Variants in KIAA0319L observed in about 807,000 individuals in gnomAD.
The protein encoded by KIAA0319L is dyslexia-associated protein KIAA0319-like protein.
A neutral mutation model predicts 120.1 loss-of-function variants in KIAA0319L; 55 were observed. The ratio of observed to expected loss-of-function variants is 0.46; its 90% CI spans 0.37 to 0.57. The LOEUF is 0.57. KIAA0319L is among the 20% of genes least tolerant of loss of function. KIAA0319L has a pLI of 0.00. For synonymous variants in KIAA0319L, 398 were observed against 471.9 expected (o/e 0.84, Z 2.03); for missense variants, 1,049 against 1,255.3 (o/e 0.84, Z 2.48).
intron 8 of KIAA0319L, among the ~76,000 whole-genome samples, chr1:35,462,275 AG>A: frequency 1.3e-5 from 2 of 152,324 alleles, no homozygotes; most frequent in South Asian, 4.1e-4. Context: ...TATGATTGGA[AG>A]GAACTTTGGT....
At chr1:35,473,080 CTTTTT>C (rs962861379) in intron 5 of KIAA0319L, among the ~76,000 whole-genome samples, 8 of 90,480 alleles carry the variant, frequency 8.8e-5, no homozygotes, top group East Asian at 6.9e-4. Flanking sequence ...TGCGCCCAGC[CTTTTT>C]TTTTTTTTTT....
chr1:35,444,080 A>G, intron 17 of KIAA0319L, 81 bp downstream of exon 17: 2 of 1,174,674 alleles, frequency 1.7e-6, no homozygotes, highest in Non-Finnish European at 1.2e-6. Context: ...AAAGAAGATG[A>G]AGGCCAAGGA....
intron 2 of KIAA0319L, chr1:35,533,302 T>A (rs1646444620): frequency 1.3e-5 from 2 of 152,098 alleles, no homozygotes; most frequent in South Asian, 4.2e-4. Flanking sequence ...AAATGTAAAT[T>A]CTAACTAAAT....
At chr1:35,541,790 G>A (rs574706806) in intron 2 of KIAA0319L, among the ~76,000 whole-genome samples, 1 of 152,338 alleles carries the variant, frequency 6.6e-6, no homozygotes, top group East Asian at 1.9e-4. Flanking sequence ...TGGGGGAAGT[G>A]AACTAGGGCA....
chr1:35,541,092 C>T (rs547705834), intron 2 of KIAA0319L, among the ~76,000 whole-genome samples: 22 of 152,148 alleles, frequency 1.4e-4, no homozygotes, highest in East Asian at 5.8e-4. Flanking sequence ...CAGATGCACA[C>T]TATCAAGCAC....
chr1:35,496,871 C>T (rs190084761), intron 3 of KIAA0319L, among the ~76,000 whole-genome samples: 1 of 149,942 alleles, frequency 6.7e-6, no homozygotes, highest in Non-Finnish European at 1.5e-5. Flanking sequence ...CACTTGAACC[C>T]TGGAGGTCGA....
At chr1:35,521,723 A>T (rs936278599) in intron 2 of KIAA0319L, among the ~76,000 whole-genome samples, 3 of 151,976 alleles carry the variant, frequency 2.0e-5, no homozygotes, top group Admixed American at 1.3e-4. Context: ...CTGTAATCCC[A>T]GCACTTTGGG....
chr1:35,450,323 C>T (rs902373481), intron 14 of KIAA0319L, 35 bp downstream of exon 14: 1 of 1,597,690 alleles, frequency 6.3e-7, no homozygotes, highest in African/African-American at 1.3e-5. Context: ...CTCCTCCCCA[C>T]TCCTGTGTAG....
At chr1:35,557,511 G>T, upstream of KIAA0319L, 2 of 364,102 alleles carry the variant, frequency 5.5e-6, no homozygotes, top group African/African-American at 4.3e-5. Context: ...CGAGACCAAG[G>T]GGGAGGAGGG....
chr1:35,470,881 C>T lies in KIAA0319L; in HGVS notation c.1095G>A (p.Gln365=), dbSNP rs778109301. ...AATTCACCTTCGATAGTTTGAGGAT[C>T]TGGGAATGTTTCCCTTCCATTTCTC... ...YSGEMEGKHS[Q]ILKLSKLTPG... The change falls in exon 6 of 21, where the codon CAG becomes CAA. Residue 365 remains glutamine, a synonymous_variant. Coordinates refer to ENST00000325722, the MANE Select transcript of KIAA0319L (RefSeq NM_024874.5). 1.2e-6 allele frequency: 2 copies of T among 1,611,352 alleles called. No individual in the cohort carries two copies. Among genetic ancestry groups the T allele is most frequent in the South Asian group, 2.2e-5 (2 of 91,022 alleles).
At chr1:35,535,714 C>T (rs1646548780) in intron 2 of KIAA0319L, among the ~76,000 whole-genome samples, 1 of 152,156 alleles carries the variant, frequency 6.6e-6, no homozygotes, top group African/African-American at 2.4e-5. Context: ...AGCTCGGCCA[C>T]CACTTTTTCC....
intron 3 of KIAA0319L, among the ~76,000 whole-genome samples, chr1:35,489,206 A>G (rs1644499893): frequency 6.6e-6 from 1 of 152,122 alleles, no homozygotes; most frequent in African/African-American, 2.4e-5. Context: ...CCACAAGGTA[A>G]AAAAACAAAA....
intron 2 of KIAA0319L, among the ~76,000 whole-genome samples, chr1:35,522,740 G>A (rs1288990628): frequency 2.0e-5 from 3 of 151,786 alleles, no homozygotes; most frequent in Non-Finnish European, 4.4e-5. Context: ...TGTATGGGCC[G>A]GGCGCGGGGG....
At chr1:35,519,638 ATC>A (rs1287349075) in intron 2 of KIAA0319L, among the ~76,000 whole-genome samples, 2 of 152,192 alleles carry the variant, frequency 1.3e-5, no homozygotes, top group Admixed American at 1.3e-4. Context: ...GCCTCCAGAC[ATC>A]TCTTATCATT....
chr1:35,486,735 T>TTCAAAAA (rs1214766111), intron 3 of KIAA0319L, among the ~76,000 whole-genome samples: 1 of 70,092 alleles, frequency 1.4e-5, no homozygotes, highest in African/African-American at 2.7e-4. Context: ...ACCCCATTTC[T>TTCAAAAA]ACAAAAAAAA....
At chr1:35,502,053 C>T (rs1314811335) in intron 3 of KIAA0319L, among the ~76,000 whole-genome samples, 91 of 151,854 alleles carry the variant, frequency 6.0e-4, no homozygotes, top group Admixed American at 5.6e-3. Flanking sequence ...CAGAGGCAGG[C>T]GGATCACGAG....
chr1:35,455,877 C>A (rs1000813143), intron 10 of KIAA0319L, 136 bp downstream of exon 10: 17 of 716,840 alleles, frequency 2.4e-5, no homozygotes, highest in Non-Finnish European at 3.8e-5. Context: ...CCATACCCGG[C>A]CAAGATAAAG....
chr1:35,500,939 CATTTT>C (rs930325795), intron 3 of KIAA0319L, among the ~76,000 whole-genome samples: 3 of 151,740 alleles, frequency 2.0e-5, no homozygotes, highest in African/African-American at 4.8e-5. Context: ...CACTTTGCCC[CATTTT>C]TTTTTTTTTA....
At chr1:35,515,927 A>G (rs184574445) in intron 2 of KIAA0319L, among the ~76,000 whole-genome samples, 1 of 152,324 alleles carries the variant, frequency 6.6e-6, no homozygotes, top group East Asian at 1.9e-4. Flanking sequence ...GATCACCTCT[A>G]TGCATACAAA....
Sources: allele counts gnomAD v4.1 joint callset (sites outside exome capture counted in the v4.1 genomes callset), GRCh38; gene constraint gnomAD v4.1.1; transcripts MANE v1.5; gene names NCBI Gene and HGNC (gene_info 2026-07-23, HGNC 2026-07-21).